Variants in ZMYM1 observed in about 807,000 individuals in gnomAD.
The protein encoded by ZMYM1 is zinc finger MYM-type protein 1.
In ZMYM1, 39 loss-of-function variants were observed where a neutral mutation model predicts 60.0. That is an observed-to-expected ratio of 0.65 (90% CI 0.50 to 0.85). The LOEUF is 0.85. Among genes scored for constraint, ZMYM1 ranks in the 40% least tolerant of loss-of-function variants. The pLI, the probability that ZMYM1 is intolerant of heterozygous loss-of-function variation, is 0.00. For synonymous variants in ZMYM1, 413 were observed against 454.0 expected (o/e 0.91, Z 1.15); for missense variants, 1,171 against 1,309.5 (o/e 0.89, Z 1.63).
chr1:35,111,109 A>G (rs1329685445), intron 7 of ZMYM1, among the ~76,000 whole-genome samples: 6 of 152,222 alleles, frequency 3.9e-5, no homozygotes, highest in Admixed American at 3.3e-4. Context: ...TTATTAGAAT[A>G]TAGAATGTTT....
At chr1:35,111,636 A>C (rs1404757146) in intron 7 of ZMYM1, 136 bp from the exon 8 acceptor site, 3 of 690,618 alleles carry the variant, frequency 4.3e-6, no homozygotes, top group Non-Finnish European at 6.3e-6. Flanking sequence ...CTAAGCCCTA[A>C]TAAAAATTAC....
rs1403133190 is a variant in ZMYM1, at chr1:35,104,178, G to A, written c.420-117G>A. On this transcript the variant is annotated intron_variant, in intron 4 of 9. Transcript: ENST00000359858. ...GTGACAGAACTGGGTACCAAATTCA[G>A]GTTTTCTTATTTCAAGGCTAATGTT... 7 of 935,426 alleles carry A rather than the reference G, an allele frequency of 7.5e-6. No individual in the cohort carries two copies. In the South Asian group the frequency reaches 1.0e-4, roughly 14 times the overall value. The allele number at this position is 935,426 out of a possible 1,614,324, so 57.9% of individuals were successfully genotyped here. A position where few individuals can be genotyped will look rare whatever the true frequency, so the allele number is the denominator to read the frequency against.
intron 1 of ZMYM1, among the ~76,000 whole-genome samples, chr1:35,086,076 G>A (rs776332718): frequency 3.9e-5 from 6 of 152,064 alleles, no homozygotes; most frequent in Non-Finnish European, 5.9e-5. Flanking sequence ...TATGTATTAC[G>A]TTTAAACATT....
Position 35,110,464 on chromosome 1 carries a change from A to C in ZMYM1, c.961+17A>C. 6.9e-7 allele frequency: 1 copy of C among 1,448,054 alleles called. No homozygotes were observed. The highest frequency in any genetic ancestry group is 9.1e-7 in the Non-Finnish European group (1 of 1,098,754). The allele number at this position is 1,448,054 out of a possible 1,614,324, so 89.7% of individuals were successfully genotyped here. A position where few individuals can be genotyped will look rare whatever the true frequency, so the allele number is the denominator to read the frequency against. On this transcript the variant is annotated intron_variant, in intron 7 of 9. Transcript: ENST00000359858. ...CTTCTTCAGGTAATGTTTGTTTAGC[A>C]ATTGTAGGGGTTTAGTAATTATTAA...
At position 35,114,955 on chromosome 1, in the gene ZMYM1, A is replaced by G; in HGVS notation, c.3125A>G (p.Asp1042Gly). The G allele has an allele frequency of 1.9e-6, 3 of 1,614,050 alleles. No homozygotes were observed. Among genetic ancestry groups the G allele is most frequent in the African/African-American group, 1.3e-5 (1 of 75,064 alleles). ...HYAKLNFVID[D>G]SCINFVSLGC... ...GCAAAGCTTAACTTTGTCATAGATG[A>G]TAGTTGCATAAACTTCGTCAGTCTC... Residue 1042 changes from aspartate (D) to glycine (G), a missense_variant, in exon 10 of 10, where the codon GAT (aspartate) becomes GGT (glycine). Asp to Gly is a moderately conservative substitution (Grantham distance 94). Coordinates refer to ENST00000359858, the MANE Select transcript of ZMYM1 (RefSeq NM_024772.5).
chr1:35,096,289 G>A (rs1643314140), intron 3 of ZMYM1, among the ~76,000 whole-genome samples: 1 of 150,734 alleles, frequency 6.6e-6, no homozygotes, highest in Admixed American at 6.6e-5. Context: ...TCCAGCCTGG[G>A]CAACAGAGCG....
intron 1 of ZMYM1, among the ~76,000 whole-genome samples, chr1:35,089,834 C>T (rs1419508592): frequency 7.4e-6 from 1 of 135,120 alleles, no homozygotes; most frequent in African/African-American, 2.6e-5. Context: ...CAAGGTCTGC[C>T]TCCCAGGTTC....
rs556169188 is a variant in ZMYM1, at chr1:35,115,660, A to G, written c.*401A>G. ...TATTATAAATAATGATTCATTTTAT[A>G]ACCTTTTATATAGGTCACATTGCAC... On this transcript the variant is annotated 3_prime_UTR_variant, in exon 10 of 10. Coordinates refer to ENST00000359858, the MANE Select transcript of ZMYM1 (RefSeq NM_024772.5). 7.3e-4 allele frequency: 111 copies of G among 151,478 alleles called. No individual in the cohort carries two copies. Among genetic ancestry groups the G allele is most frequent in the Non-Finnish European group, 1.4e-3 (95 of 68,834 alleles). 9.4% of individuals were successfully genotyped at this position (151,478 alleles called of 1,614,324 possible).
downstream of ZMYM1, among the ~76,000 whole-genome samples, chr1:35,118,219 C>T (rs139280528): frequency 0.016 from 2,150 of 131,998 alleles, 52 homozygotes; most frequent in African/African-American, 0.056. Flanking sequence ...CCAGCCTGGG[C>T]GACAAGAGTG....
chr1:35,114,497 G>A lies in ZMYM1; in HGVS notation c.2667G>A (p.Leu889=). 1 of 1,610,522 alleles carries A rather than the reference G, an allele frequency of 6.2e-7. No individual in the cohort carries two copies. Among genetic ancestry groups the A allele is most frequent in the South Asian group, 1.1e-5 (1 of 90,558 alleles). Residue 889 remains leucine, a synonymous_variant, in exon 10 of 10, where the codon TTG becomes TTA. Transcript: ENST00000359858. ...LQNKTIDIFS[L]SSKIEAILEC... ...ATAAAACCATAGACATTTTTTCTTT[G>A]TCTTCAAAAATAGAAGCAATTTTGG...
At chr1:35,112,921 T>A (rs1644144852) in intron 9 of ZMYM1, 56 bp from the exon 10 acceptor site, 1 of 1,394,246 alleles carries the variant, frequency 7.2e-7, no homozygotes, top group Admixed American at 3.1e-5. Flanking sequence ...ATATATTTGA[T>A]ATTTTAATTA....
At chr1:35,063,241 C>T (rs1432328359) in intron 1 of ZMYM1, among the ~76,000 whole-genome samples, 2 of 151,780 alleles carry the variant, frequency 1.3e-5, no homozygotes, top group Non-Finnish European at 2.9e-5. Flanking sequence ...GTTCTTCAGC[C>T]TCAGTCTCTA....
intron 1 of ZMYM1, among the ~76,000 whole-genome samples, chr1:35,089,653 T>A (rs72905079): frequency 0.018 from 2,736 of 152,002 alleles, 84 homozygotes; most frequent in African/African-American, 0.062. Flanking sequence ...TTTGAGCCCA[T>A]TATTCTAAGT....
At chr1:35,085,034 TTTTTG>T (rs1642582190) in intron 1 of ZMYM1, among the ~76,000 whole-genome samples, 1 of 151,824 alleles carries the variant, frequency 6.6e-6, no homozygotes, top group Non-Finnish European at 1.5e-5. Context: ...ATTTATCCGT[TTTTTG>T]TTTTGTTTTG....
chr1:35,088,010 A>T (rs995293919), intron 1 of ZMYM1, among the ~76,000 whole-genome samples: 15 of 151,366 alleles, frequency 9.9e-5, no homozygotes, highest in Admixed American at 3.3e-4. Context: ...CAGTGAGCTG[A>T]GATTATGTCA....
chr1:35,064,747 C>T (rs1450047423), intron 1 of ZMYM1, among the ~76,000 whole-genome samples: 3 of 135,286 alleles, frequency 2.2e-5, no homozygotes, highest in African/African-American at 2.8e-5. Context: ...AGTGCAGTGG[C>T]GTGATCTCGG....
rs1304512684 is a variant in ZMYM1 at position 35,115,771 on chromosome 1, CA to C, written c.*514del. On this transcript the variant is annotated 3_prime_UTR_variant, in exon 10 of 10. Transcript: ENST00000359858. Reference sequence around the variant, plus strand: ...CATTTTTACTTTTGATAGATATTGGCAAGTTGCCATCTATAAGGATTGTGCC... The same window carrying C: ...CATTTTTACTTTTGATAGATATTGGCAGTTGCCATCTATAAGGATTGTGCC... 5.3e-5 allele frequency: 8 copies of C among 152,350 alleles called. No homozygotes were observed. The highest frequency in any genetic ancestry group is 1.9e-4 in the African/African-American group (8 of 41,448). The allele number at this position is 152,350 out of a possible 1,614,324, so 9.4% of individuals were successfully genotyped here.
chr1:35,063,126 CTT>C (rs34272747), intron 1 of ZMYM1, among the ~76,000 whole-genome samples: 205 of 136,504 alleles, frequency 1.5e-3, no homozygotes, highest in African/African-American at 3.7e-3. Context: ...CAAGCCTTTT[CTT>C]TTTTTTTTTT....
chr1:35,068,649 A>AATATAT (rs1191097052), intron 1 of ZMYM1, among the ~76,000 whole-genome samples: 1 of 145,232 alleles, frequency 6.9e-6, no homozygotes, highest in Non-Finnish European at 1.5e-5. Context: ...CAAAAAAAAA[A>AATATAT]ATATATATAT....
Sources: gnomAD v4.1 joint callset for allele counts (sites outside exome capture counted in the v4.1 genomes callset) on GRCh38, gnomAD v4.1.1 for gene constraint, MANE v1.5 for transcripts, NCBI Gene and HGNC (gene_info 2026-07-23, HGNC 2026-07-21) for gene names.